The following EIF4B variants were observed in gnomAD, a reference collection of about 807,000 sequenced individuals.
EIF4B encodes eukaryotic translation initiation factor 4B.
In EIF4B, 8 loss-of-function variants were observed where a neutral mutation model predicts 79.3. The ratio of observed to expected loss-of-function variants is 0.10; its 90% confidence interval spans 0.06 to 0.18. The LOEUF (loss-of-function observed/expected upper bound fraction) is 0.18, where lower values mean the gene tolerates loss of function less well. EIF4B is among the 10% of genes least tolerant of loss of function. The pLI, the probability that EIF4B is intolerant of heterozygous loss-of-function variation, is 1.00. For synonymous variants in EIF4B, 238 were observed against 274.7 expected (o/e 0.87, Z 1.32); for missense variants, 515 against 792.4 (o/e 0.65, Z 4.20).
chr12:53,039,407 T>G, intron 13 of EIF4B, 64 bp downstream of exon 13: 3 of 1,399,742 alleles, frequency 2.1e-6, no homozygotes, highest in Non-Finnish European at 2.9e-6. Flanking sequence ...AGAAATTAAG[T>G]TCTTGGTTCT....
intron 1 of EIF4B, among the ~76,000 whole-genome samples, chr12:53,011,893 C>G (rs1011776217): frequency 6.6e-6 from 1 of 152,138 alleles, no homozygotes; most frequent in African/African-American, 2.4e-5. Context: ...TTAACCAGTT[C>G]ACATAAGATT....
chr12:53,039,998 T>C (rs1209866248), intron 14 of EIF4B, 145 bp from the exon 15 acceptor site: 2 of 894,970 alleles, frequency 2.2e-6, no homozygotes, highest in African/African-American at 3.3e-5. Flanking sequence ...CCCTAGCTCC[T>C]CTCCAATGGA....
chr12:53,030,069 A>AT (rs1943408469), intron 8 of EIF4B, among the ~76,000 whole-genome samples: 1 of 143,082 alleles, frequency 7.0e-6, no homozygotes, highest in African/African-American at 2.5e-5. Context: ...AAAAAATACA[A>AT]AAGTTAGCTG....
intron 10 of EIF4B, 102 bp downstream of exon 10, chr12:53,034,811 C>T: frequency 1.5e-6 from 2 of 1,351,742 alleles, no homozygotes; most frequent in Non-Finnish European, 2.1e-6. Context: ...CAGTCATGAA[C>T]TCTTTATTTG....
chr12:53,037,391 T>G lies in EIF4B; in HGVS notation c.1307-18T>G. On this transcript the variant is annotated intron_variant, in intron 10 of 14. Transcript: ENST00000262056. ...ATCTGCAGCCTGATAATTTGATATT[T>G]TCACTCTGGCTTCACAGATGCACGA... is the stretch of plus-strand genomic sequence containing the variant. 3 of 1,606,192 alleles carry G rather than the reference T, an allele frequency of 1.9e-6. No homozygotes were observed. Among genetic ancestry groups the G allele is most frequent in the Non-Finnish European group, 2.5e-6 (3 of 1,176,882 alleles).
Position 53,034,018 on chromosome 12 carries a change from C to A in EIF4B, c.1192C>A (p.Arg398=). Residue 398 remains arginine (R), a synonymous_variant, in exon 9 of 15, where the codon CGA becomes AGA. Coordinates refer to ENST00000262056, the MANE Select transcript of EIF4B (RefSeq NM_001417.7). ...QRQLDEPKLE[R]RPRERHPSWR... The stretch of plus-strand genomic sequence containing the variant: ...TCAGCTGGATGAGCCAAAACTAGAA[C>A]GACGGCCTCGGGAGAGGTGTGTTGT... 1 of 1,611,900 alleles carries A rather than the reference C, an allele frequency of 6.2e-7. No homozygotes were observed. The highest frequency in any genetic ancestry group is 1.3e-5 in the African/African-American group (1 of 75,016).
chr12:53,034,660 G>T lies in EIF4B; in HGVS notation c.1257G>T (p.Arg419Ser), dbSNP rs370915088. 2 of 1,613,888 alleles carry T rather than the reference G, an allele frequency of 1.2e-6. No individual in the cohort carries two copies. Among genetic ancestry groups the T allele is most frequent in the African/African-American group, 2.7e-5 (2 of 74,916 alleles). Residue 419 changes from arginine to serine, a missense_variant, in exon 10 of 15, where the codon AGG (arginine) becomes AGT (serine). Coordinates refer to ENST00000262056, the MANE Select transcript of EIF4B (RefSeq NM_001417.7). ...SEETQERERSRTGSESSQTGT... is the reference protein window; with the variant it reads ...SEETQERERSSTGSESSQTGT... ...AAACTCAGGAACGGGAACGGTCGAG[G>T]ACAGGAAGTGAGTCATCACAAACTG...
chr12:53,025,766 A>G (rs1943322568), intron 6 of EIF4B, among the ~76,000 whole-genome samples: 2 of 152,174 alleles, frequency 1.3e-5, no homozygotes, highest in African/African-American at 2.4e-5. Flanking sequence ...AGTAAAAATT[A>G]TGTGGTTTCC....
chr12:53,031,774 A>G (rs1437718004), intron 8 of EIF4B, among the ~76,000 whole-genome samples: 1 of 152,206 alleles, frequency 6.6e-6, no homozygotes, highest in African/African-American at 2.4e-5. Context: ...TATGTAGTAA[A>G]AGTATAAAAT....
chr12:53,007,113 C>T (rs1942978392), intron 1 of EIF4B, among the ~76,000 whole-genome samples: 1 of 152,136 alleles, frequency 6.6e-6, no homozygotes, highest in Admixed American at 6.6e-5. Flanking sequence ...CTGTGTTGCG[C>T]ACTTATGTCC....
chr12:53,023,032 C>T (rs146323646), intron 6 of EIF4B, among the ~76,000 whole-genome samples: 230 of 152,056 alleles, frequency 1.5e-3, no homozygotes, highest in African/African-American at 5.4e-3. Flanking sequence ...CGTGGTGGTA[C>T]GCACCTGCAG....
intron 4 of EIF4B, among the ~76,000 whole-genome samples, chr12:53,020,357 C>G (rs1393134833): frequency 6.6e-6 from 1 of 152,166 alleles, no homozygotes; most frequent in Non-Finnish European, 1.5e-5. Flanking sequence ...TCAAAGTAAT[C>G]TGGCCTGATA....
chr12:53,023,313 A>G (rs138588127), intron 6 of EIF4B, among the ~76,000 whole-genome samples: 4,549 of 152,172 alleles, frequency 0.03, 102 homozygotes, highest in Non-Finnish European at 0.045. Context: ...GCTCACTGCA[A>G]CCTCCACCTC....
chr12:53,006,594 G>A, intron 1 of EIF4B, 98 bp downstream of exon 1: 1 of 1,600,250 alleles, frequency 6.2e-7, no homozygotes, highest in Non-Finnish European at 8.5e-7. Context: ...GCTGGCACTG[G>A]TTCCTTTCTG....
intron 8 of EIF4B, among the ~76,000 whole-genome samples, chr12:53,029,936 C>A (rs1943405962): frequency 7.2e-6 from 1 of 138,660 alleles, no homozygotes; most frequent in Non-Finnish European, 1.6e-5. Flanking sequence ...TTAAAAAAAA[C>A]TTAGGCCAGC....
At chr12:53,024,079 A>G (rs566483376) in intron 6 of EIF4B, among the ~76,000 whole-genome samples, 23 of 152,292 alleles carry the variant, frequency 1.5e-4, no homozygotes, top group African/African-American at 5.5e-4. Flanking sequence ...GGGAAGAGAC[A>G]GTGTGTGAAT....
chr12:53,034,557 A>G, intron 9 of EIF4B, 55 bp from the exon 10 acceptor site: 2 of 1,568,386 alleles, frequency 1.3e-6, no homozygotes, highest in Admixed American at 1.7e-5. Context: ...GCATGGGTCT[A>G]AGGTGGCCTT....
chr12:53,010,327 C>G (rs957709175), intron 1 of EIF4B, among the ~76,000 whole-genome samples: 5 of 152,180 alleles, frequency 3.3e-5, no homozygotes, highest in Non-Finnish European at 4.4e-5. Flanking sequence ...TACCCAATCC[C>G]CAACTAAATC....
intron 10 of EIF4B, among the ~76,000 whole-genome samples, chr12:53,036,036 G>A (rs1053779617): frequency 1.5e-5 from 2 of 133,024 alleles, no homozygotes; most frequent in African/African-American, 2.8e-5. Flanking sequence ...CACCCGTCTC[G>A]GCCTCCCAAA....
Sources: allele counts gnomAD v4.1 joint callset (sites outside exome capture counted in the v4.1 genomes callset), GRCh38; gene constraint gnomAD v4.1.1; transcripts MANE v1.5; gene names NCBI Gene and HGNC (gene_info 2026-07-23, HGNC 2026-07-21).